Variants in XRN2 observed in about 807,000 individuals in gnomAD.
The protein encoded by XRN2 is 5'-3' exoribonuclease 2.
Under a neutral mutation model 138.5 loss-of-function variants are expected in XRN2, and 44 were observed. The observed-to-expected ratio is 0.32, with a 90% confidence interval of 0.25 to 0.41. The LOEUF is 0.41. XRN2 is among the 10% of genes least tolerant of loss of function. The pLI, the probability that XRN2 is intolerant of heterozygous loss-of-function variation, is 1.00. For synonymous variants in XRN2, 354 were observed against 369.4 expected (o/e 0.96, Z 0.48); for missense variants, 937 against 1,169.3 (o/e 0.80, Z 2.90).
chr20:21,316,023 T>A (rs2037954489), intron 1 of XRN2, among the ~76,000 whole-genome samples: 1 of 152,132 alleles, frequency 6.6e-6, no homozygotes, highest in African/African-American at 2.4e-5. Context: ...GAGGCTGAGG[T>A]GGGCAGATCA....
chr20:21,373,012 CT>C (rs11479394), intron 27 of XRN2, among the ~76,000 whole-genome samples: 102,498 of 151,292 alleles, frequency 0.68, 35,394 homozygotes, highest in South Asian at 0.83. Flanking sequence ...TTTTCTTTTT[CT>C]TTTTTTTTGG....
chr20:21,373,937 CAT>C (rs1350450150), intron 27 of XRN2, among the ~76,000 whole-genome samples: 2 of 152,006 alleles, frequency 1.3e-5, no homozygotes, highest in African/African-American at 4.8e-5. Context: ...TTATTGCTGT[CAT>C]ATGATGAACA....
intron 27 of XRN2, among the ~76,000 whole-genome samples, chr20:21,375,772 A>G (rs897415976): frequency 6.6e-6 from 1 of 151,850 alleles, no homozygotes; most frequent in Admixed American, 6.6e-5. Context: ...ATAGCATATG[A>G]GAATGTCTAA....
At chr20:21,361,020 A>T (rs756360211) in intron 24 of XRN2, among the ~76,000 whole-genome samples, 1 of 152,212 alleles carries the variant, frequency 6.6e-6, no homozygotes, top group Admixed American at 6.5e-5. Context: ...ATGAAACTTG[A>T]TATTTGGAGT....
chr20:21,332,015 C>T (rs202838), intron 8 of XRN2, among the ~76,000 whole-genome samples, 197 bp downstream of exon 8: 1 of 152,120 alleles, frequency 6.6e-6, no homozygotes, highest in African/African-American at 2.4e-5. Flanking sequence ...TTCTTTCTTA[C>T]ATTTTTCAAC....
At chr20:21,373,841 T>C (rs887667199) in intron 27 of XRN2, among the ~76,000 whole-genome samples, 10 of 152,186 alleles carry the variant, frequency 6.6e-5, no homozygotes, top group African/African-American at 1.9e-4. Flanking sequence ...TCTTTTTGTT[T>C]TGTAGGCGTT....
intron 27 of XRN2, among the ~76,000 whole-genome samples, chr20:21,375,010 C>CTT (rs34212552): frequency 0.13 from 5,792 of 43,994 alleles, 893 homozygotes; most frequent in East Asian, 0.21. Context: ...TTGGTAAGTT[C>CTT]TTTTTTTTTT....
intron 27 of XRN2, among the ~76,000 whole-genome samples, chr20:21,379,890 A>G (rs6047414): frequency 0.68 from 103,019 of 152,056 alleles, 35,631 homozygotes; most frequent in South Asian, 0.84. Flanking sequence ...AGGACAAAAT[A>G]TACAAGTTTT....
intron 24 of XRN2, among the ~76,000 whole-genome samples, chr20:21,358,873 A>G (rs1330441356): frequency 4.6e-5 from 7 of 152,186 alleles, no homozygotes; most frequent in East Asian, 1.9e-4. Context: ...CCCATCACAA[A>G]CAATCTGGCT....
intron 1 of XRN2, among the ~76,000 whole-genome samples, chr20:21,321,945 C>A (rs1031175169): frequency 6.6e-6 from 1 of 152,170 alleles, no homozygotes; most frequent in African/African-American, 2.4e-5. Flanking sequence ...GACCTTGGTA[C>A]ACATCACTTT....
intron 1 of XRN2, among the ~76,000 whole-genome samples, chr20:21,311,014 G>A (rs1218684257): frequency 6.6e-6 from 1 of 152,100 alleles, no homozygotes; most frequent in Non-Finnish European, 1.5e-5. Flanking sequence ...GCCTCCCAGA[G>A]TGCTGGGATT....
At chr20:21,327,603 A>AT (rs894965925) in intron 3 of XRN2, among the ~76,000 whole-genome samples, 2 of 152,014 alleles carry the variant, frequency 1.3e-5, no homozygotes, top group African/African-American at 2.4e-5. Context: ...TATTCAGCTA[A>AT]TTTTTTTTGA....
Position 21,356,111 on chromosome 20 carries a change from A to C in XRN2, c.2052A>C (p.Leu684Phe). 1 of 1,612,660 alleles carries C rather than the reference A, an allele frequency of 6.2e-7. No homozygotes were observed. The highest frequency in any genetic ancestry group is 8.5e-7 in the Non-Finnish European group (1 of 1,179,174). The change falls in exon 22 of 30, where the codon TTA (leucine) becomes TTC (phenylalanine). Residue 684 changes from leucine (L) to phenylalanine (F), a missense_variant. By Grantham distance (22) the Leu-to-Phe change is conservative. Around this residue, in one of 6 missense-constraint regions of XRN2, gnomAD observed 372 missense variants for 414.4 expected, o/e 0.90. Transcript: ENST00000377191. ...GAAACAGCCTTGGAGGTGATGTCTTATTTGTGGGGAAACATCACCCACTCC... is the reference window on the plus strand; with the variant it reads ...GAAACAGCCTTGGAGGTGATGTCTTCTTTGTGGGGAAACATCACCCACTCC... Reference protein sequence around the residue: ...TRRNSLGGDVLFVGKHHPLHD... With the variant: ...TRRNSLGGDVFFVGKHHPLHD...
In XRN2 at chr20:21,349,377, T is replaced by C; in HGVS notation, c.1864-12T>C. The C allele has an allele frequency of 6.5e-7, 1 of 1,530,712 alleles. No homozygotes were observed. Among genetic ancestry groups the C allele is most frequent in the Non-Finnish European group, 9.0e-7 (1 of 1,108,046 alleles). 94.8% of individuals were successfully genotyped at this position (1,530,712 alleles called of 1,614,324 possible). A position where few individuals can be genotyped will look rare whatever the true frequency, so the allele number is the denominator to read the frequency against. ...CTTCTGTTTTGATTCTTTACTTTTC[T>C]CCCTAATATAGGATTCTAGTATAAT... On this transcript the variant is annotated splice_polypyrimidine_tract_variant and intron_variant, in intron 19 of 29. Transcript: ENST00000377191.
intron 28 of XRN2, among the ~76,000 whole-genome samples, chr20:21,385,076 A>T (rs1315874592): frequency 6.6e-6 from 1 of 152,206 alleles, no homozygotes; most frequent in Non-Finnish European, 1.5e-5. Context: ...AATCAATTCA[A>T]ACAAAAAGAA....
rs1455084833 is a variant in XRN2, at chr20:21,353,320, A to C, written c.1937-1469A>C. Among the ~76,000 whole-genome samples the C allele has an allele frequency of 6.7e-5, 10 of 148,150 alleles. No individual in the cohort carries two copies. In the Admixed American group the frequency reaches 6.8e-4, roughly 10 times the overall value. On this transcript the variant is annotated intron_variant, in intron 20 of 29. Coordinates refer to ENST00000377191, the MANE Select transcript of XRN2 (RefSeq NM_012255.5). ...TAGATGATGCTGTAGTTTCCCCTTG[A>C]TATAGTTCTCTTAAGTGTATGACTA...
intron 21 of XRN2, 105 bp from the exon 22 acceptor site, chr20:21,355,975 A>G (rs562364876): frequency 2.8e-4 from 186 of 654,304 alleles, no homozygotes; most frequent in Non-Finnish European, 4.5e-4. Flanking sequence ...TTTTATAATT[A>G]AGTTCTTAAC....
chr20:21,312,315 A>G (rs553650606), intron 1 of XRN2, among the ~76,000 whole-genome samples: 2 of 152,094 alleles, frequency 1.3e-5, no homozygotes, highest in East Asian at 1.9e-4. Flanking sequence ...TAGTAGAGAC[A>G]GGGTTTCACC....
At chr20:21,371,134 G>A (rs1422859248) in intron 27 of XRN2, among the ~76,000 whole-genome samples, 1 of 152,210 alleles carries the variant, frequency 6.6e-6, no homozygotes, top group Non-Finnish European at 1.5e-5. Flanking sequence ...ACTTATGAAA[G>A]AACGTGCCAG....
Sources: allele counts gnomAD v4.1 joint callset (sites outside exome capture counted in the v4.1 genomes callset), GRCh38; gene constraint gnomAD v4.1.1; regional missense constraint gnomAD v4.1.1; transcripts MANE v1.5; gene names NCBI Gene and HGNC (gene_info 2026-07-23, HGNC 2026-07-21).